Variants in WHRN observed in about 807,000 individuals in gnomAD.
The protein encoded by WHRN is CASK-interacting protein CIP98.
WHRN carries 41 observed loss-of-function variants against 68.3 expected under a neutral mutation model. The ratio of observed to expected loss-of-function variants is 0.60; its 90% CI spans 0.47 to 0.78. The LOEUF is 0.78. Ranked by LOEUF, WHRN falls within the 30% of genes least tolerant of loss-of-function variation. WHRN has a pLI of 0.00. For synonymous variants in WHRN, 560 were observed against 561.3 expected (o/e 1.00, Z 0.03); for missense variants, 1,243 against 1,244.7 (o/e 1.00, Z 0.02).
intron 3 of WHRN, among the ~76,000 whole-genome samples, chr9:114,434,753 G>T (rs1016082445): frequency 6.6e-6 from 1 of 152,074 alleles, no homozygotes; most frequent in African/African-American, 2.4e-5. Context: ...CACCTTGCCC[G>T]ATACTTTCCT....
chr9:114,471,445 T>C (rs1841212949), intron 2 of WHRN, among the ~76,000 whole-genome samples: 1 of 152,216 alleles, frequency 6.6e-6, no homozygotes, highest in African/African-American at 2.4e-5. Flanking sequence ...TGCCTGGGCA[T>C]TTAACCAATG....
rs1192573305 is a variant in WHRN at position 114,403,998 on chromosome 9, C to T, written c.2316G>A (p.Glu772=). 2 of 1,613,000 alleles carry T rather than the reference C, an allele frequency of 1.2e-6. No individual in the cohort carries two copies. The highest frequency in any genetic ancestry group is 1.7e-5 in the Admixed American group (1 of 60,030). ...GCCTTCCTCGGCCTGGGGCGCTGGC[C>T]TCTGCCTCGCCAGCATCCACACCAC... ...EDSGVDAGEA[E]ASAPGRGRQS... is the part of the protein sequence containing the mutation. Residue 772 remains glutamate (E), a synonymous_variant, in exon 10 of 12, where the codon GAG becomes GAA. Coordinates refer to ENST00000362057, the MANE Select transcript of WHRN (RefSeq NM_015404.4).
intron 1 of WHRN, among the ~76,000 whole-genome samples, chr9:114,484,794 C>G (rs1457453138): frequency 6.6e-6 from 1 of 152,176 alleles, no homozygotes; most frequent in Admixed American, 6.5e-5. Flanking sequence ...TAATAACTTG[C>G]TACTTGGATT....
intron 9 of WHRN, among the ~76,000 whole-genome samples, chr9:114,405,503 G>A (rs1834963827): frequency 1.3e-5 from 2 of 152,150 alleles, no homozygotes; most frequent in Admixed American, 6.5e-5. Context: ...TTGAACACTG[G>A]CACAAAGTGC....
intron 1 of WHRN, among the ~76,000 whole-genome samples, chr9:114,484,955 G>T (rs1842366176): frequency 6.6e-6 from 1 of 152,204 alleles, no homozygotes; most frequent in Admixed American, 6.5e-5. Flanking sequence ...CTAATGGGAT[G>T]TGTTAACATG....
chr9:114,468,948 A>G (rs1177600496), intron 2 of WHRN, among the ~76,000 whole-genome samples: 1 of 152,140 alleles, frequency 6.6e-6, no homozygotes, highest in East Asian at 1.9e-4. Flanking sequence ...TGGTTAATGC[A>G]TGTTCAGGCT....
intron 3 of WHRN, among the ~76,000 whole-genome samples, chr9:114,450,234 T>G (rs1839202585): frequency 6.6e-6 from 1 of 152,126 alleles, no homozygotes; most frequent in Non-Finnish European, 1.5e-5. Context: ...AGCCTGGGGA[T>G]TTTTGAAGCC....
chr9:114,461,014 A>G (rs574918492), intron 3 of WHRN, among the ~76,000 whole-genome samples: 1 of 152,344 alleles, frequency 6.6e-6, no homozygotes, highest in Admixed American at 6.5e-5. Context: ...GGAAAGTACA[A>G]TAAACAGCAG....
In WHRN at chr9:114,455,833, T is replaced by C. The variant is rs925308507; in HGVS notation, c.963+10434A>G. ...ATAAACCTATAGTAAGTTGAAAATATTGTAAATCAAAAATGCATTTAATAC... is the reference window on the plus strand; with the variant it reads ...ATAAACCTATAGTAAGTTGAAAATACTGTAAATCAAAAATGCATTTAATAC... On this transcript the variant is annotated intron_variant, in intron 3 of 11. Coordinates refer to ENST00000362057, the MANE Select transcript of WHRN (RefSeq NM_015404.4). Among the ~76,000 whole-genome samples the C allele has an allele frequency of 9.9e-5, 15 of 152,088 alleles. No homozygotes were observed. The South Asian group carries it at 1.0e-3, about 10-fold the overall frequency.
intron 2 of WHRN, among the ~76,000 whole-genome samples, chr9:114,474,637 A>C (rs1416339367): frequency 6.6e-6 from 1 of 152,104 alleles, no homozygotes; most frequent in Non-Finnish European, 1.5e-5. Flanking sequence ...CTCCTCCAGG[A>C]AGCCTTCCCC....
chr9:114,503,152 G>C (rs1288041113), intron 1 of WHRN: 2 of 985,352 alleles, frequency 2.0e-6, no homozygotes, highest in African/African-American at 1.7e-5. Flanking sequence ...GTAGTCGTGG[G>C]CCTCTGCTGC....
intron 1 of WHRN, chr9:114,503,340 A>AG (rs1268032756): frequency 4.5e-6 from 1 of 224,438 alleles, no homozygotes; most frequent in African/African-American, 2.4e-5. Context: ...AGGTCGGGGG[A>AG]GGGGGGAAGG....
At chr9:114,455,608 G>A (rs1040027231) in intron 3 of WHRN, among the ~76,000 whole-genome samples, 6 of 151,430 alleles carry the variant, frequency 4.0e-5, no homozygotes, top group Admixed American at 3.9e-4. Flanking sequence ...CGGCTACTAG[G>A]AAGGCGGAGG....
rs1285543366 is a variant in WHRN, at chr9:114,486,999, ATATATATAT to A, written c.619-8237_619-8229del. On this transcript the variant is annotated intron_variant, in intron 1 of 11. Transcript: ENST00000362057. Reference sequence around the variant, plus strand: ...TATATATATATATATATATATATATATATATATATAATATATATAGTGTTTAGCACCTGG... The same window carrying A: ...TATATATATATATATATATATATATAAATATATATAGTGTTTAGCACCTGG... 7.9e-5 allele frequency among the ~76,000 whole-genome samples: 8 copies of A among 101,768 alleles called. 1 individual carries two copies. Among genetic ancestry groups the A allele is most frequent in the African/African-American group, 3.4e-4 (8 of 23,874 alleles). The allele number at this position is 101,768 out of a possible 152,430, so 66.8% of individuals were successfully genotyped here. A position where few individuals can be genotyped will look rare whatever the true frequency, so the allele number is the denominator to read the frequency against.
intron 3 of WHRN, among the ~76,000 whole-genome samples, chr9:114,430,685 A>G (rs1157660167): frequency 6.6e-6 from 1 of 152,214 alleles, no homozygotes; most frequent in African/African-American, 2.4e-5. Flanking sequence ...TGTTAAGTAA[A>G]TATATCCCTA....
chr9:114,438,642 TG>T (rs1564154834), intron 3 of WHRN, among the ~76,000 whole-genome samples: 1 of 151,958 alleles, frequency 6.6e-6, no homozygotes, highest in Non-Finnish European at 1.5e-5. Context: ...TTAGTAGAGA[TG>T]GGGTTTCACC....
At position 114,425,014 on chromosome 9, in the gene WHRN, C is replaced by G. The variant is rs138164522; in HGVS notation, c.1177G>C (p.Asp393His). The G allele has an allele frequency of 5.6e-6, 9 of 1,614,168 alleles. No individual in the cohort carries two copies. The South Asian group carries it at 8.8e-5, about 16-fold the overall frequency. ...TTGTTTATTCCTTCTGTTGTGAGAT[C>G]GCCAAGAAACCTGTGGGGAAAGACA... ...TMANSAGFLG[D>H]LTTEGINKPG... Residue 393 changes from aspartate (D) to histidine (H), a missense_variant, in exon 5 of 12, where the codon GAT becomes CAT. Transcript: ENST00000362057.
intron 1 of WHRN, among the ~76,000 whole-genome samples, chr9:114,497,333 C>T (rs1843544217): frequency 6.6e-6 from 1 of 152,090 alleles, no homozygotes; most frequent in South Asian, 2.1e-4. Context: ...GCAAAAGGAA[C>T]ACAAATTCTC....
At chr9:114,502,009 T>C (rs1843974046) in intron 1 of WHRN, among the ~76,000 whole-genome samples, 2 of 152,322 alleles carry the variant, frequency 1.3e-5, no homozygotes, top group South Asian at 2.1e-4. Flanking sequence ...AGGAGTGCCA[T>C]GGCCTCAGGG....
Sources: gnomAD v4.1 joint callset for allele counts (sites outside exome capture counted in the v4.1 genomes callset) on GRCh38, gnomAD v4.1.1 for gene constraint, MANE v1.5 for transcripts, NCBI Gene and HGNC (gene_info 2026-07-23, HGNC 2026-07-21) for gene names.